Variants in PDPK1 observed in about 807,000 individuals in gnomAD.
PDPK1 encodes the protein 3-phosphoinositide dependent protein kinase 1.
In PDPK1, 7 loss-of-function variants were observed where a neutral mutation model predicts 39.8. That is an observed-to-expected ratio of 0.18 (90% confidence interval 0.10 to 0.33). The LOEUF is 0.33. Ranked by LOEUF, PDPK1 falls within the 10% of genes least tolerant of loss-of-function variation. The pLI, the probability that PDPK1 is intolerant of heterozygous loss-of-function variation, is 1.00. For synonymous variants in PDPK1, 118 were observed against 159.1 expected, an observed-to-expected ratio of 0.74 and a Z score of 1.95; for missense variants, 182 against 384.7, an observed-to-expected ratio of 0.47 and a Z score of 4.41.
Position 2,599,991 on chromosome 16 carries a change from T to G in PDPK1, c.*2224T>G, listed in dbSNP as rs1198361180. 4.3e-6 allele frequency: 1 copy of G among 233,016 alleles called. No homozygotes were observed. The highest frequency in any genetic ancestry group is 2.2e-5 in the African/African-American group (1 of 45,124). 14.4% of individuals were successfully genotyped at this position (233,016 alleles called of 1,614,324 possible). A position where few individuals can be genotyped will look rare whatever the true frequency, so the allele number is the denominator to read the frequency against. On this transcript the variant is annotated 3_prime_UTR_variant, in exon 14 of 14. Coordinates refer to ENST00000342085, the MANE Select transcript of PDPK1 (RefSeq NM_002613.5). ...CAGAGCTGGCAGCCGCCAGCCAAAA[T>G]GATGCCATTGCCTGAGCTGACAGCC...
At chr16:2,586,554 G>A (rs904020903) in intron 10 of PDPK1, 122 bp from the exon 11 acceptor site, 15 of 766,692 alleles carry the variant, frequency 2.0e-5, no homozygotes, top group African/African-American at 1.0e-4. Flanking sequence ...CCACCCTGTC[G>A]CCTTGCGCCT....
In PDPK1 at chr16:2,600,010, G is replaced by C. The variant is rs1163479649; in HGVS notation, c.*2243G>C. On this transcript the variant is annotated 3_prime_UTR_variant, in exon 14 of 14. Transcript: ENST00000342085. Reference sequence around the variant, plus strand: ...CCAAAATGATGCCATTGCCTGAGCTGACAGCCAAGCCCTTCTGTGGGTCAC... The same window carrying C: ...CCAAAATGATGCCATTGCCTGAGCTCACAGCCAAGCCCTTCTGTGGGTCAC... The C allele has an allele frequency of 4.3e-6, 1 of 233,060 alleles. No individual in the cohort carries two copies. The highest frequency in any genetic ancestry group is 2.2e-5 in the African/African-American group (1 of 45,084). 14.4% of individuals were successfully genotyped at this position (233,060 alleles called of 1,614,324 possible).
At chr16:2,594,715 T>G (rs1292616137) in intron 11 of PDPK1, among the ~76,000 whole-genome samples, 1 of 152,172 alleles carries the variant, frequency 6.6e-6, no homozygotes, top group Non-Finnish European at 1.5e-5. Context: ...GCGCGGTATC[T>G]GATGCCTGTA....
chr16:2,543,888 A>ATT (rs11422907), intron 1 of PDPK1, among the ~76,000 whole-genome samples: 1,676 of 134,730 alleles, frequency 0.012, 29 homozygotes, highest in East Asian at 0.035. Context: ...CACCCGGCTA[A>ATT]TTTTTTTTTT....
chr16:2,587,542 T>C (rs1027158918), intron 11 of PDPK1, among the ~76,000 whole-genome samples: 12 of 152,188 alleles, frequency 7.9e-5, no homozygotes, highest in African/African-American at 2.9e-4. Flanking sequence ...AGAGTGTTGC[T>C]CTGTCACCCA....
In PDPK1 at chr16:2,577,479, C is replaced by T. The variant is rs144186731; in HGVS notation, c.764C>T (p.Thr255Met). ...CAGTACGTTTCTCCAGAGCTGCTCA[C>T]GGAGAAGTCCGCCTGTAAGAGGTAA... ...TAQYVSPELL[T>M]EKSACKSSDL... Residue 255 changes from threonine (T) to methionine (M), a missense_variant, in exon 7 of 14, where the codon ACG (threonine) becomes ATG (methionine). Transcript: ENST00000342085. 1.8e-5 allele frequency: 27 copies of T among 1,533,304 alleles called. 3 individuals are homozygous for T. Among genetic ancestry groups the T allele is most frequent in the East Asian group, 1.6e-4 (7 of 43,008 alleles). 95.0% of individuals were successfully genotyped at this position (1,533,304 alleles called of 1,614,324 possible).
intron 1 of PDPK1, among the ~76,000 whole-genome samples, chr16:2,542,585 C>A (rs1303183982): frequency 6.6e-6 from 1 of 152,150 alleles, no homozygotes; most frequent in East Asian, 1.9e-4. Context: ...AGCACACGGC[C>A]CCCTGCAGAA....
Position 2,597,244 on chromosome 16 carries a change from C to G in PDPK1, c.1523C>G (p.Ala508Gly). ...IPWSQELRPE[A>G]KNFKTFFVHT... ...TGGTCACAAGAACTTCGACCAGAGG[C>G]CAAGAATTTTAAAACTTTCTTTGTC... is the stretch of plus-strand genomic sequence containing the variant. Residue 508 changes from alanine to glycine, a missense_variant, in exon 13 of 14, where the codon GCC becomes GGC. Around this residue, in one of 5 missense-constraint regions of PDPK1, gnomAD observed 67 missense variants for 87.8 expected, o/e 0.76. Transcript: ENST00000342085. This position sits in a 1 kb window ranked among gnomAD's most constrained non-coding sequence, Gnocchi z 6.3. 6.3e-7 allele frequency: 1 copy of G among 1,595,204 alleles called. No individual in the cohort carries two copies. The highest frequency in any genetic ancestry group is 8.6e-7 in the Non-Finnish European group (1 of 1,164,988).
intron 1 of PDPK1, among the ~76,000 whole-genome samples, chr16:2,547,263 G>A (rs1455169808): frequency 6.8e-6 from 1 of 146,178 alleles, no homozygotes; most frequent in Non-Finnish European, 1.5e-5. Context: ...GCGAGCGCTA[G>A]GTTCGTCTGC....
intron 10 of PDPK1, among the ~76,000 whole-genome samples, chr16:2,585,233 G>A (rs187138706): frequency 3.3e-5 from 5 of 152,218 alleles, no homozygotes; most frequent in Non-Finnish European, 5.9e-5. Context: ...TTCTGTTGCC[G>A]TCTGTGAAGC....
Position 2,598,997 on chromosome 16 carries a change from C to T in PDPK1, c.*1230C>T, listed in dbSNP as rs1373396458. On this transcript the variant is annotated 3_prime_UTR_variant, in exon 14 of 14. Coordinates refer to ENST00000342085, the MANE Select transcript of PDPK1 (RefSeq NM_002613.5). ...TTGCACAGGAGGCGAGAACAGCACACTTCAACCCCAGCTTGCTGGTCGGCT... is the reference window on the plus strand; with the variant it reads ...TTGCACAGGAGGCGAGAACAGCACATTTCAACCCCAGCTTGCTGGTCGGCT... 4.3e-6 allele frequency: 1 copy of T among 233,258 alleles called. No individual in the cohort carries two copies. The highest frequency in any genetic ancestry group is 8.5e-6 in the Non-Finnish European group (1 of 118,088). 14.4% of individuals were successfully genotyped at this position (233,258 alleles called of 1,614,324 possible).
chr16:2,588,642 T>A (rs879490095), intron 11 of PDPK1, among the ~76,000 whole-genome samples: 2 of 152,106 alleles, frequency 1.3e-5, no homozygotes, highest in Non-Finnish European at 2.9e-5. Flanking sequence ...TCTTCAGGTT[T>A]CTCTTTCCCC....
At chr16:2,542,098 GTTAAGA>G (rs1397492849) in intron 1 of PDPK1, among the ~76,000 whole-genome samples, 4 of 152,232 alleles carry the variant, frequency 2.6e-5, no homozygotes, top group African/African-American at 9.6e-5. Context: ...TTTAGAATGT[GTTAAGA>G]TTGAGTTTCT....
intron 1 of PDPK1, among the ~76,000 whole-genome samples, chr16:2,546,244 C>G (rs750168485): frequency 1.3e-5 from 2 of 148,842 alleles, no homozygotes; most frequent in African/African-American, 5.0e-5. Context: ...CCACTGCGCC[C>G]GGCTAATTTT....
chr16:2,597,350 C>T lies in PDPK1; in HGVS notation c.1554+75C>T. On this transcript the variant is annotated intron_variant, in intron 13 of 13. Coordinates refer to ENST00000342085, the MANE Select transcript of PDPK1 (RefSeq NM_002613.5). The surrounding 1 kb of genome is among the most constrained non-coding windows in gnomAD (Gnocchi z 6.3). Reference sequence around the variant, plus strand: ...GCACCACGTGGGAAGCAGCCACAGGCCTTGGCCAGAGGGAGCAGCGGGGAT... The same window carrying T: ...GCACCACGTGGGAAGCAGCCACAGGTCTTGGCCAGAGGGAGCAGCGGGGAT... The T allele has an allele frequency of 7.4e-7, 1 of 1,359,912 alleles. No individual in the cohort carries two copies. The allele number at this position is 1,359,912 out of a possible 1,614,324, so 84.2% of individuals were successfully genotyped here.
chr16:2,599,215 C>T lies in PDPK1; in HGVS notation c.*1448C>T, dbSNP rs2067164075. ...CAGGTTGTCCCTGGAGGGCAGCCCT[C>T]ACTCCCTTTGGGGGAGAGGCAGACA... is the stretch of plus-strand genomic sequence containing the variant. On this transcript the variant is annotated 3_prime_UTR_variant, in exon 14 of 14. Transcript: ENST00000342085. 4.3e-6 allele frequency: 1 copy of T among 233,372 alleles called. No homozygotes were observed. The highest frequency in any genetic ancestry group is 5.6e-5 in the Admixed American group (1 of 17,804). The allele number at this position is 233,372 out of a possible 1,614,324, so 14.5% of individuals were successfully genotyped here. A position where few individuals can be genotyped will look rare whatever the true frequency, so the allele number is the denominator to read the frequency against.
Position 2,593,490 on chromosome 16 carries a change from C to T in PDPK1, c.1344-2303C>T, listed in dbSNP as rs2142004227. 4.6e-6 allele frequency: 1 copy of T among 217,706 alleles called. No homozygotes were observed. Among genetic ancestry groups the T allele is most frequent in the Non-Finnish European group, 9.2e-6 (1 of 108,250 alleles). The allele number at this position is 217,706 out of a possible 1,614,324, so 13.5% of individuals were successfully genotyped here. A position where few individuals can be genotyped will look rare whatever the true frequency, so the allele number is the denominator to read the frequency against. ...TCTCAGCCAGGAAGGCGGCCCCTCC[C>T]ACACAGGTTGCAGGGATGGGCTGCT... On this transcript the variant is annotated intron_variant, in intron 11 of 13. Transcript: ENST00000342085. The surrounding 1 kb of genome is among the most constrained non-coding windows in gnomAD (Gnocchi z 4.2).
At chr16:2,594,854 G>A (rs2067067499) in intron 11 of PDPK1, among the ~76,000 whole-genome samples, 1 of 151,954 alleles carries the variant, frequency 6.6e-6, no homozygotes, top group Non-Finnish European at 1.5e-5. Context: ...GGGCACAGTG[G>A]CTCACGCCTA....
intron 11 of PDPK1, among the ~76,000 whole-genome samples, chr16:2,589,379 G>A (rs1253923203): frequency 6.6e-6 from 1 of 152,100 alleles, no homozygotes; most frequent in Non-Finnish European, 1.5e-5. Flanking sequence ...AAATCCTGAA[G>A]TTTTCCTTGT....
Sources: allele counts gnomAD v4.1 joint callset (sites outside exome capture counted in the v4.1 genomes callset), GRCh38; gene constraint gnomAD v4.1.1; regional missense constraint gnomAD v4.1.1; non-coding constraint Gnocchi (gnomAD v3.1); transcripts MANE v1.5; gene names NCBI Gene and HGNC (gene_info 2026-07-23, HGNC 2026-07-21).